The following SIRT7 variants were observed in gnomAD, a reference collection of about 807,000 sequenced individuals.
The protein encoded by SIRT7 is NAD-dependent protein deacetylase sirtuin-7.
SIRT7 carries 32 observed loss-of-function variants against 42.8 expected under a neutral mutation model. The observed-to-expected ratio is 0.75, with a 90% confidence interval of 0.56 to 1.00. SIRT7 has a LOEUF of 1.00. SIRT7 is among the 50% of genes least tolerant of loss of function. The pLI, the probability that SIRT7 is intolerant of heterozygous loss-of-function variation, is 0.00. For synonymous variants in SIRT7, 297 were observed against 245.2 expected (o/e 1.21, Z -1.97); for missense variants, 553 against 572.2 (o/e 0.97, Z 0.34).
rs758634203 is a variant in SIRT7 at position 81,918,116 on chromosome 17, G to A, written c.16C>T (p.Leu6=). 3.9e-6 allele frequency: 6 copies of A among 1,553,292 alleles called. No homozygotes were observed. The highest frequency in any genetic ancestry group is 5.2e-6 in the Non-Finnish European group (6 of 1,160,722). Residue 6 remains leucine (L), a synonymous_variant, in exon 1 of 10, where the codon CTG becomes TTG. Transcript: ENST00000328666. MAAGG[L]SRSERKAAER... ...GCCGCTTTGCGCTCGGAGCGGCTCA[G>A]ACCCCCGGCTGCCATCGCTCCCCTG...
Position 81,912,309 on chromosome 17 carries a change from T to C in SIRT7, c.*107A>G, listed in dbSNP as rs1271282424. On this transcript the variant is annotated 3_prime_UTR_variant, in exon 10 of 10. Coordinates refer to ENST00000328666, the MANE Select transcript of SIRT7 (RefSeq NM_016538.3). Reference sequence around the variant, plus strand: ...ATGGCTAAAAATGTCACGGTGAAAATGTCATCCCCAAAGAGTTCGTTCTCC... The same window carrying C: ...ATGGCTAAAAATGTCACGGTGAAAACGTCATCCCCAAAGAGTTCGTTCTCC... 2 of 1,380,024 alleles carry C rather than the reference T, an allele frequency of 1.4e-6. No individual in the cohort carries two copies. The highest frequency in any genetic ancestry group is 2.3e-5 in the East Asian group (1 of 43,754). The allele number at this position is 1,380,024 out of a possible 1,614,324, so 85.5% of individuals were successfully genotyped here. A position where few individuals can be genotyped will look rare whatever the true frequency, so the allele number is the denominator to read the frequency against.
chr17:81,918,035 G>T lies in SIRT7; in HGVS notation c.93+4C>A, dbSNP rs1203063807. The T allele has an allele frequency of 2.0e-6, 3 of 1,479,034 alleles. No individual in the cohort carries two copies. Among genetic ancestry groups the T allele is most frequent in the Non-Finnish European group, 2.7e-6 (3 of 1,122,932 alleles). The allele number at this position is 1,479,034 out of a possible 1,614,324, so 91.6% of individuals were successfully genotyped here. On this transcript the variant is annotated splice_donor_region_variant and intron_variant, in intron 1 of 9. Transcript: ENST00000328666. ...GGCCGGGCCGGGGAGCGGCGGCGGC[G>T]TACCTGGCGGAGGCGCTCCCTCTGC...
At chr17:81,914,942 C>G in intron 5 of SIRT7, 1 of 565,680 alleles carries the variant, frequency 1.8e-6, no homozygotes, top group Non-Finnish European at 3.2e-6. Context: ...CCTGGAGTGG[C>G]TGGGAGGGCA....
chr17:81,914,762 G>C, intron 5 of SIRT7, 60 bp from the exon 6 acceptor site: 1 of 1,406,844 alleles, frequency 7.1e-7, no homozygotes, highest in Non-Finnish European at 1.0e-6. Context: ...GGGGAGGTCA[G>C]TACCCGGCCA....
intron 3 of SIRT7, chr17:81,916,388 T>C (rs1448526255): frequency 1.3e-5 from 2 of 151,850 alleles, no homozygotes; most frequent in African/African-American, 4.8e-5. Context: ...ATCCACTAGC[T>C]GCATGTGCTT....
chr17:81,913,524 G>A lies in SIRT7; in HGVS notation c.1004+250C>T, dbSNP rs533855614. 55 of 502,928 alleles carry A rather than the reference G, an allele frequency of 1.1e-4. No homozygotes were observed. Among genetic ancestry groups the A allele is most frequent in the African/African-American group, 1.1e-3 (54 of 51,410 alleles). 31.2% of individuals were successfully genotyped at this position (502,928 alleles called of 1,614,324 possible). ...AGCTCCACGGGGAGGCCTGGAGCAG[G>A]AGCACGCGGGCAGAATCCCTCTCCC... On this transcript the variant is annotated intron_variant, in intron 9 of 9. Transcript: ENST00000328666. The surrounding 1 kb of genome is among the most constrained non-coding windows in gnomAD (Gnocchi z 5.0).
chr17:81,918,139 C>A lies in SIRT7; in HGVS notation c.-8G>T. ...CAGACCCCCGGCTGCCATCGCTCCC[C>A]TGGAGACCTGCTCTTCCGCTTCCGC... On this transcript the variant is annotated 5_prime_UTR_variant, in exon 1 of 10. The change creates a new upstream start codon in the 5' untranslated region. Transcript: ENST00000328666. 1 of 1,546,138 alleles carries A rather than the reference C, an allele frequency of 6.5e-7. No homozygotes were observed. The highest frequency in any genetic ancestry group is 8.6e-7 in the Non-Finnish European group (1 of 1,157,120).
Position 81,917,861 on chromosome 17 carries a change from C to T in SIRT7, c.200G>A (p.Arg67Gln). The change falls in exon 2 of 10, where the codon CGG becomes CAG. Residue 67 changes from arginine (R) to glutamine (Q), a missense_variant. Transcript: ENST00000328666. ...CTGCCGCCGCTTCAGGCCCTCGCGCCGCCGGCTCCGGCCCTGCAGCTCCGT... is the reference window on the plus strand; with the variant it reads ...CTGCCGCCGCTTCAGGCCCTCGCGCTGCCGGCTCCGGCCCTGCAGCTCCGT... Reference protein sequence around the residue: ...LVTELQGRSRRREGLKRRQEE... With the variant: ...LVTELQGRSRQREGLKRRQEE... The T allele has an allele frequency of 7.0e-7, 1 of 1,437,340 alleles. No homozygotes were observed. Among genetic ancestry groups the T allele is most frequent in the Non-Finnish European group, 9.1e-7 (1 of 1,098,980 alleles). 89.0% of individuals were successfully genotyped at this position (1,437,340 alleles called of 1,614,324 possible).
At position 81,915,122 on chromosome 17, in the gene SIRT7, G is replaced by A. The variant is rs2040771290; in HGVS notation, c.480+318C>T. 3.3e-5 allele frequency: 17 copies of A among 512,332 alleles called. 1 individual carries two copies. Among genetic ancestry groups the A allele is most frequent in the Middle Eastern group, 5.4e-4 (1 of 1,844 alleles). The allele number at this position is 512,332 out of a possible 1,614,324, so 31.7% of individuals were successfully genotyped here. On this transcript the variant is annotated intron_variant, in intron 5 of 9. Coordinates refer to ENST00000328666, the MANE Select transcript of SIRT7 (RefSeq NM_016538.3). ...GGGTGTTCAGCAGAAGGTCCCCAGA[G>A]ATGTCCTATAAGCCTCCCCTGTGAC... is the stretch of plus-strand genomic sequence containing the variant.
At position 81,915,642 on chromosome 17, in the gene SIRT7, A is replaced by G; in HGVS notation, c.376T>C (p.Trp126Arg). The G allele has an allele frequency of 6.2e-7, 1 of 1,613,940 alleles. No individual in the cohort carries two copies. The highest frequency in any genetic ancestry group is 8.5e-7 in the Non-Finnish European group (1 of 1,180,004). ...IPDYRGPNGV[W>R]TLLQKGRSVS... ...CTTCTCCCTTTCTGAAGCAGTGTCC[A>G]CACTCCATTAGGGCCCCGGTAGTCT... Residue 126 changes from tryptophan (W) to arginine (R), a missense_variant, in exon 4 of 10, where the codon TGG becomes CGG. Physicochemically the swap from Trp to Arg is moderately radical, Grantham distance 101. Coordinates refer to ENST00000328666, the MANE Select transcript of SIRT7 (RefSeq NM_016538.3).
chr17:81,917,554 T>G, intron 3 of SIRT7, 61 bp downstream of exon 3: 3 of 1,406,656 alleles, frequency 2.1e-6, no homozygotes, highest in Non-Finnish European at 2.9e-6. Flanking sequence ...TAAAGGCGAG[T>G]TTTTCGCGAT....
chr17:81,912,941 A>T (rs1350149985), intron 9 of SIRT7: 5 of 423,924 alleles, frequency 1.2e-5, no homozygotes, highest in African/African-American at 2.0e-5. Context: ...GTCTCCAGGG[A>T]TGAGTCACTA....
intron 3 of SIRT7, chr17:81,917,379 A>G: frequency 2.4e-6 from 1 of 423,054 alleles, no homozygotes; most frequent in Non-Finnish European, 4.2e-6. Flanking sequence ...TGTCCACATA[A>G]CCTGGGGGTG....
chr17:81,913,677 C>A lies in SIRT7; in HGVS notation c.1004+97G>T, dbSNP rs1270037011. On this transcript the variant is annotated intron_variant, in intron 9 of 9. Coordinates refer to ENST00000328666, the MANE Select transcript of SIRT7 (RefSeq NM_016538.3). This position sits in a 1 kb window ranked among gnomAD's most constrained non-coding sequence, Gnocchi z 5.0. ...CATGCCTCAGGCACCACTGCAAACA[C>A]CTCAGAGCTTCCTCCACACTCAGCT... is the stretch of plus-strand genomic sequence containing the variant. 3 of 1,097,342 alleles carry A rather than the reference C, an allele frequency of 2.7e-6. No individual in the cohort carries two copies. The highest frequency in any genetic ancestry group is 4.0e-6 in the Non-Finnish European group (3 of 748,258). The allele number at this position is 1,097,342 out of a possible 1,614,324, so 68.0% of individuals were successfully genotyped here. A position where few individuals can be genotyped will look rare whatever the true frequency, so the allele number is the denominator to read the frequency against.
chr17:81,913,333 CA>C lies in SIRT7; in HGVS notation c.1004+440del. On this transcript the variant is annotated intron_variant, in intron 9 of 9. Coordinates refer to ENST00000328666, the MANE Select transcript of SIRT7 (RefSeq NM_016538.3). The surrounding 1 kb of genome is among the most constrained non-coding windows in gnomAD (Gnocchi z 5.0). ...AGAAAGAGAGTGTAAACTTTTTACT[CA>C]ATACATACACCAAGTCTAAATTATC... 2.2e-6 allele frequency: 1 copy of C among 454,796 alleles called. No individual in the cohort carries two copies. The highest frequency in any genetic ancestry group is 4.4e-6 in the Non-Finnish European group (1 of 227,052). The allele number at this position is 454,796 out of a possible 1,614,324, so 28.2% of individuals were successfully genotyped here.
At position 81,913,626 on chromosome 17, in the gene SIRT7, C is replaced by T. The variant is rs2040736122; in HGVS notation, c.1004+148G>A. ...GTCTCCGCCAACCACCGAGGTCAGGCCCTCTGGAGACCACCACGCTTCAGT... is the reference window on the plus strand; with the variant it reads ...GTCTCCGCCAACCACCGAGGTCAGGTCCTCTGGAGACCACCACGCTTCAGT... On this transcript the variant is annotated intron_variant, in intron 9 of 9. Coordinates refer to ENST00000328666, the MANE Select transcript of SIRT7 (RefSeq NM_016538.3). This position sits in a 1 kb window ranked among gnomAD's most constrained non-coding sequence, Gnocchi z 5.0. 1 of 688,788 alleles carries T rather than the reference C, an allele frequency of 1.5e-6. No homozygotes were observed. Among genetic ancestry groups the T allele is most frequent in the East Asian group, 2.7e-5 (1 of 36,588 alleles). 42.7% of individuals were successfully genotyped at this position (688,788 alleles called of 1,614,324 possible).
intron 6 of SIRT7, 31 bp downstream of exon 6, chr17:81,914,573 G>A (rs758615710): frequency 6.2e-7 from 1 of 1,612,354 alleles, no homozygotes; most frequent in African/African-American, 1.3e-5. Flanking sequence ...GCCTGCCCAT[G>A]GAGACCCTGG....
At position 81,913,545 on chromosome 17, in the gene SIRT7, C is replaced by G; in HGVS notation, c.1004+229G>C. 1.9e-6 allele frequency: 1 copy of G among 536,424 alleles called. No individual in the cohort carries two copies. The highest frequency in any genetic ancestry group is 2.0e-5 in the South Asian group (1 of 49,990). 33.2% of individuals were successfully genotyped at this position (536,424 alleles called of 1,614,324 possible). A position where few individuals can be genotyped will look rare whatever the true frequency, so the allele number is the denominator to read the frequency against. ...GCAGGAGCACGCGGGCAGAATCCCT[C>G]TCCCCGCGGGGATTGTGTGTGCCAC... is the stretch of plus-strand genomic sequence containing the variant. On this transcript the variant is annotated intron_variant, in intron 9 of 9. Transcript: ENST00000328666. This position sits in a 1 kb window ranked among gnomAD's most constrained non-coding sequence, Gnocchi z 5.0.
chr17:81,912,405 C>T lies in SIRT7; in HGVS notation c.*11G>A, dbSNP rs780794595. ...CTGCAAAGTGCCAACTGTTCTTCATCGAGCACGTGATTACGTCACTTTCTT... is the reference window on the plus strand; with the variant it reads ...CTGCAAAGTGCCAACTGTTCTTCATTGAGCACGTGATTACGTCACTTTCTT... On this transcript the variant is annotated 3_prime_UTR_variant, in exon 10 of 10. Coordinates refer to ENST00000328666, the MANE Select transcript of SIRT7 (RefSeq NM_016538.3). 3.1e-6 allele frequency: 5 copies of T among 1,614,110 alleles called. No individual in the cohort carries two copies. The highest frequency in any genetic ancestry group is 1.3e-5 in the African/African-American group (1 of 75,078).
Sources: gnomAD v4.1 joint callset for allele counts on GRCh38, gnomAD v4.1.1 for gene constraint, Gnocchi (gnomAD v3.1) non-coding constraint, MANE v1.5 for transcripts, NCBI Gene and HGNC (gene_info 2026-07-23, HGNC 2026-07-21) for gene names.